Variants in SRPK2 observed in about 807,000 individuals in gnomAD.
SRPK2 encodes SFRS protein kinase 2.
SRPK2 carries 21 observed loss-of-function variants against 90.8 expected under a neutral mutation model. The ratio of observed to expected loss-of-function variants is 0.23; its 90% CI spans 0.16 to 0.33. SRPK2 has a LOEUF of 0.33. Among genes scored for constraint, SRPK2 ranks in the 10% least tolerant of loss-of-function variants. SRPK2 has a pLI of 1.00. For missense variants in SRPK2, 620 were observed against 869.0 expected (o/e 0.71, Z 3.60); for synonymous variants, 288 against 311.1 (o/e 0.93, Z 0.78).
At chr7:105,165,843 C>G (rs1789983153) in intron 6 of SRPK2, among the ~76,000 whole-genome samples, 1 of 152,196 alleles carries the variant, frequency 6.6e-6, no homozygotes, top group Non-Finnish European at 1.5e-5. Flanking sequence ...TGTTGCTGCT[C>G]ACTTTTTGGG....
At chr7:105,141,833 T>C (rs900749264) in intron 11 of SRPK2, among the ~76,000 whole-genome samples, 175 bp downstream of exon 11, 1 of 152,184 alleles carries the variant, frequency 6.6e-6, no homozygotes, top group African/African-American at 2.4e-5. Flanking sequence ...AATAGCCTAA[T>C]GGCATAGAAA....
intron 7 of SRPK2, among the ~76,000 whole-genome samples, chr7:105,157,994 A>G (rs1312503648): frequency 6.6e-6 from 1 of 152,198 alleles, no homozygotes; most frequent in Non-Finnish European, 1.5e-5. Flanking sequence ...AGAGCCCAGG[A>G]GGCCAAGGCT....
At chr7:105,396,423 G>A (rs1338607390) in intron 1 of SRPK2, among the ~76,000 whole-genome samples, 1 of 151,602 alleles carries the variant, frequency 6.6e-6, no homozygotes, top group South Asian at 2.1e-4. Flanking sequence ...AGATCACGAG[G>A]TCAGGAGATA....
intron 1 of SRPK2, among the ~76,000 whole-genome samples, chr7:105,395,177 A>C (rs1178120717): frequency 6.6e-6 from 1 of 152,030 alleles, no homozygotes; most frequent in Non-Finnish European, 1.5e-5. Context: ...CATCTCAAAA[A>C]CAAAACAAAA....
At chr7:105,336,264 AT>A (rs1162714283) in intron 2 of SRPK2, among the ~76,000 whole-genome samples, 3 of 152,230 alleles carry the variant, frequency 2.0e-5, no homozygotes, top group Non-Finnish European at 4.4e-5. Flanking sequence ...CTAAACTACT[AT>A]GATAAATTCT....
intron 2 of SRPK2, among the ~76,000 whole-genome samples, chr7:105,256,090 A>C (rs1803260128): frequency 2.0e-5 from 3 of 152,208 alleles, no homozygotes; most frequent in African/African-American, 7.2e-5. Flanking sequence ...TGTCAGAAAA[A>C]TCCAGAGACA....
chr7:105,328,148 T>C (rs1813811881), intron 2 of SRPK2, among the ~76,000 whole-genome samples: 1 of 152,220 alleles, frequency 6.6e-6, no homozygotes, highest in Non-Finnish European at 1.5e-5. Flanking sequence ...CAAATGACTC[T>C]ATCCCTGGGC....
At chr7:105,394,429 C>T (rs117359471) in intron 1 of SRPK2, among the ~76,000 whole-genome samples, 1,707 of 152,254 alleles carry the variant, frequency 0.011, 13 homozygotes, top group South Asian at 0.03. Context: ...GCGTGAGCCA[C>T]GCGCCCAGCC....
chr7:105,367,344 C>G (rs902299459), intron 2 of SRPK2, among the ~76,000 whole-genome samples: 1 of 152,066 alleles, frequency 6.6e-6, no homozygotes. Context: ...CTCACCGCAA[C>G]CTCGGCCTCC....
intron 2 of SRPK2, among the ~76,000 whole-genome samples, chr7:105,222,275 T>C (rs540642033): frequency 2.6e-5 from 4 of 152,346 alleles, no homozygotes; most frequent in South Asian, 4.1e-4. Flanking sequence ...GAAGAATCTT[T>C]ATTGGCAGTT....
chr7:105,255,825 A>T (rs1048383907), intron 2 of SRPK2, among the ~76,000 whole-genome samples: 14 of 151,950 alleles, frequency 9.2e-5, no homozygotes, highest in Non-Finnish European at 1.9e-4. Context: ...CCAGCTACTC[A>T]GGAGGTTGAG....
At chr7:105,326,371 T>G (rs187958177) in intron 2 of SRPK2, among the ~76,000 whole-genome samples, 186 of 152,336 alleles carry the variant, frequency 1.2e-3, no homozygotes, top group Admixed American at 6.1e-3. Flanking sequence ...CAAAGAACTT[T>G]TTCATACTGC....
upstream of SRPK2, among the ~76,000 whole-genome samples, chr7:105,390,081 G>A (rs1199864148): frequency 6.6e-6 from 1 of 152,184 alleles, no homozygotes; most frequent in Non-Finnish European, 1.5e-5. Flanking sequence ...CTATGTGTCT[G>A]TGTGTATGGT....
In SRPK2 at chr7:105,339,030, A is replaced by G. The variant is rs1046114865; in HGVS notation, c.71+49618T>C. Among the ~76,000 whole-genome samples the G allele has an allele frequency of 3.9e-5, 6 of 152,346 alleles. No individual in the cohort carries two copies. The South Asian group carries it at 1.2e-3, about 32-fold the overall frequency. On this transcript the variant is annotated intron_variant, in intron 2 of 15. Transcript: ENST00000393651. ...AGGAATAATAATAGTTATGACATTAACTATTAAAACTAATTTTTTCAATAA... is the reference window on the plus strand; with the variant it reads ...AGGAATAATAATAGTTATGACATTAGCTATTAAAACTAATTTTTTCAATAA...
intron 3 of SRPK2, among the ~76,000 whole-genome samples, chr7:105,192,942 C>T (rs1794485191): frequency 6.6e-6 from 1 of 151,848 alleles, no homozygotes; most frequent in Non-Finnish European, 1.5e-5. Context: ...GATATTAGTC[C>T]TTTGTCGGAT....
intron 2 of SRPK2, among the ~76,000 whole-genome samples, chr7:105,248,664 G>A (rs1046204362): frequency 6.6e-6 from 1 of 151,944 alleles, no homozygotes; most frequent in African/African-American, 2.4e-5. Context: ...GGTTAGTCCG[G>A]GCGCGATGGC....
At chr7:105,369,654 C>T (rs2132418363) in intron 2 of SRPK2, among the ~76,000 whole-genome samples, 1 of 152,180 alleles carries the variant, frequency 6.6e-6, no homozygotes, top group Non-Finnish European at 1.5e-5. Flanking sequence ...GGATAAAATA[C>T]ATCATGCCCA....
chr7:105,190,986 T>C (rs981443452), intron 3 of SRPK2, among the ~76,000 whole-genome samples: 18 of 152,214 alleles, frequency 1.2e-4, no homozygotes, highest in African/African-American at 9.6e-5. Context: ...TGTTTTAATA[T>C]ATGTTACACT....
chr7:105,271,606 C>T (rs1008597797), intron 2 of SRPK2, among the ~76,000 whole-genome samples: 3 of 152,204 alleles, frequency 2.0e-5, no homozygotes, highest in African/African-American at 7.2e-5. Flanking sequence ...TCCACCACAA[C>T]ACCTGCCATA....
Sources: allele counts gnomAD v4.1 joint callset (sites outside exome capture counted in the v4.1 genomes callset), GRCh38; gene constraint gnomAD v4.1.1; transcripts MANE v1.5; gene names NCBI Gene and HGNC (gene_info 2026-07-23, HGNC 2026-07-21).